XPNPEP1: variants seen among roughly 807,000 people sequenced by gnomAD.
The protein encoded by XPNPEP1 is xaa-Pro aminopeptidase 1.
XPNPEP1 carries 39 observed loss-of-function variants against 92.4 expected under a neutral mutation model. The observed-to-expected ratio is 0.42, with a 90% CI of 0.33 to 0.55. The LOEUF (loss-of-function observed/expected upper bound fraction) is 0.55. Among genes scored for constraint, XPNPEP1 ranks in the 20% least tolerant of loss-of-function variants. XPNPEP1 has a pLI of 0.08. For missense variants in XPNPEP1, 654 were observed against 856.1 expected (o/e 0.76, Z 2.95); for synonymous variants, 307 against 299.4 (o/e 1.03, Z -0.26).
At chr10:109,869,658 C>G (rs562078990) in intron 19 of XPNPEP1, among the ~76,000 whole-genome samples, 3 of 152,302 alleles carry the variant, frequency 2.0e-5, no homozygotes, top group Admixed American at 6.5e-5. Flanking sequence ...AAGCATCAGC[C>G]TGAGGGTCTG....
intron 2 of XPNPEP1, among the ~76,000 whole-genome samples, chr10:109,913,549 A>G (rs1850002202): frequency 6.6e-6 from 1 of 152,228 alleles, no homozygotes; most frequent in Admixed American, 6.5e-5. Flanking sequence ...TAATTCTCAC[A>G]ACAATCCTCC....
Position 109,867,930 on chromosome 10 carries a change from G to T in XPNPEP1, c.1872+684C>A, listed in dbSNP as rs1847229186. ...TGACCCTTGTTTCTGCTCTGACCTT[G>T]AACATCTGTGTGATTCTTCAGGCCT... On this transcript the variant is annotated intron_variant, in intron 20 of 20. Coordinates refer to ENST00000502935, the MANE Select transcript of XPNPEP1 (RefSeq NM_020383.4). The surrounding 1 kb of genome is among the most constrained non-coding windows in gnomAD (Gnocchi z 4.5). 6.6e-6 allele frequency among the ~76,000 whole-genome samples: 1 copy of T among 152,164 alleles called. No homozygotes were observed.
At chr10:109,906,273 A>T (rs1849555652) in intron 3 of XPNPEP1, among the ~76,000 whole-genome samples, 1 of 152,186 alleles carries the variant, frequency 6.6e-6, no homozygotes, top group Non-Finnish European at 1.5e-5. Flanking sequence ...ATACCAATCA[A>T]GTTCTCATCC....
intron 1 of XPNPEP1, among the ~76,000 whole-genome samples, chr10:109,918,044 G>T (rs1175787594): frequency 6.6e-6 from 1 of 151,770 alleles, no homozygotes; most frequent in African/African-American, 2.4e-5. Context: ...AGCCCTGGAG[G>T]TCAAGGCTGC....
chr10:109,872,496 G>A (rs983645832), intron 16 of XPNPEP1, among the ~76,000 whole-genome samples: 1 of 152,214 alleles, frequency 6.6e-6, no homozygotes, highest in Non-Finnish European at 1.5e-5. Flanking sequence ...CCTCAGCCTG[G>A]TTGAGCTCTT....
At chr10:109,890,971 C>T (rs1293000147) in intron 5 of XPNPEP1, among the ~76,000 whole-genome samples, 2 of 152,186 alleles carry the variant, frequency 1.3e-5, no homozygotes, top group African/African-American at 4.8e-5. Flanking sequence ...TCACTTGGCC[C>T]TTCCTTATCT....
intron 18 of XPNPEP1, 32 bp downstream of exon 18, chr10:109,870,699 C>A: frequency 3.2e-6 from 5 of 1,585,620 alleles, no homozygotes; most frequent in Non-Finnish European, 3.4e-6. Flanking sequence ...GCTCAAGGAT[C>A]CACGCATGCC....
chr10:109,917,806 C>T (rs749333306), intron 1 of XPNPEP1, among the ~76,000 whole-genome samples: 1 of 152,170 alleles, frequency 6.6e-6, no homozygotes, highest in Non-Finnish European at 1.5e-5. Flanking sequence ...CAGAAATAAA[C>T]CCTCACAACT....
chr10:109,880,292 G>A (rs1848018134), intron 11 of XPNPEP1, 54 bp from the exon 12 acceptor site: 13 of 1,582,628 alleles, frequency 8.2e-6, no homozygotes, highest in Middle Eastern at 1.7e-4. Flanking sequence ...CACGTGACCA[G>A]ATTCAGAGCC....
chr10:109,919,986 C>T (rs1325166616), intron 1 of XPNPEP1, among the ~76,000 whole-genome samples: 3 of 151,702 alleles, frequency 2.0e-5, no homozygotes, highest in African/African-American at 7.3e-5. Context: ...GAGCCAAGAT[C>T]GTGCCACTGC....
chr10:109,889,549 G>A (rs894907604), intron 5 of XPNPEP1, among the ~76,000 whole-genome samples: 2 of 152,182 alleles, frequency 1.3e-5, no homozygotes, highest in African/African-American at 4.8e-5. Flanking sequence ...TTTCTAAGAC[G>A]CTAGTCATAG....
chr10:109,910,918 C>A (rs899187384), intron 2 of XPNPEP1, among the ~76,000 whole-genome samples: 2 of 152,240 alleles, frequency 1.3e-5, no homozygotes, highest in Admixed American at 6.5e-5. Flanking sequence ...CGACTGACAT[C>A]CTGACTTGCT....
intron 7 of XPNPEP1, among the ~76,000 whole-genome samples, chr10:109,886,765 G>A (rs1317139718): frequency 1.3e-5 from 2 of 152,274 alleles, no homozygotes; most frequent in East Asian, 3.9e-4. Flanking sequence ...GACACACAGG[G>A]ACCTATATCA....
At chr10:109,869,813 C>T (rs1847348712) in intron 19 of XPNPEP1, 140 bp downstream of exon 19, 1 of 783,842 alleles carries the variant, frequency 1.3e-6, no homozygotes, top group South Asian at 1.8e-5. Context: ...GCTCCAAAGA[C>T]ATTAAGTCTT....
At chr10:109,877,068 CCTACTA>C (rs1847824542) in intron 14 of XPNPEP1, 1 of 152,316 alleles carries the variant, frequency 6.6e-6, no homozygotes, top group South Asian at 2.1e-4. Context: ...TGCCTCACAA[CCTACTA>C]CTAAGTTTTT....
In XPNPEP1 at chr10:109,873,433, C is replaced by CA. The variant is rs766456280; in HGVS notation, c.1392-7dup. On this transcript the variant is annotated splice_polypyrimidine_tract_variant and splice_region_variant and intron_variant, in intron 15 of 20. Coordinates refer to ENST00000502935, the MANE Select transcript of XPNPEP1 (RefSeq NM_020383.4). ...TCACATCTGTGGTGCCATCCCTTTC[C>CA]AAAAAAAGGACAAATTGGTTTCCCG... The CA allele has an allele frequency of 2.2e-5, 35 of 1,613,734 alleles. No homozygotes were observed. In the African/African-American group the frequency reaches 3.3e-4, roughly 15 times the overall value.
chr10:109,874,825 T>C (rs569340553), intron 15 of XPNPEP1, among the ~76,000 whole-genome samples: 2 of 152,282 alleles, frequency 1.3e-5, no homozygotes, highest in African/African-American at 4.8e-5. Flanking sequence ...GGCGGGCACC[T>C]GTAGTCCCAG....
At chr10:109,905,748 G>A (rs575520352) in intron 3 of XPNPEP1, among the ~76,000 whole-genome samples, 40 of 152,246 alleles carry the variant, frequency 2.6e-4, no homozygotes, top group African/African-American at 9.6e-4. Flanking sequence ...ACACTGTTCA[G>A]CTCATTTCAC....
intron 15 of XPNPEP1, chr10:109,873,726 C>G (rs1847617247): frequency 4.7e-6 from 2 of 423,996 alleles, no homozygotes; most frequent in South Asian, 3.3e-5. Context: ...ATGGAAACAG[C>G]TGAAATGTCC....
Sources: allele counts gnomAD v4.1 joint callset (sites outside exome capture counted in the v4.1 genomes callset), GRCh38; gene constraint gnomAD v4.1.1; non-coding constraint Gnocchi (gnomAD v3.1); transcripts MANE v1.5; gene names NCBI Gene and HGNC (gene_info 2026-07-23, HGNC 2026-07-21).